The following PRC1 variants were observed in gnomAD, a reference collection of about 807,000 sequenced individuals.
PRC1 encodes anaphase spindle elongation 1 homolog.
In PRC1, 54 loss-of-function variants were observed where a neutral mutation model predicts 91.2. The observed-to-expected ratio is 0.59, with a 90% confidence interval of 0.48 to 0.74. PRC1 has a LOEUF of 0.74. Ranked by LOEUF, PRC1 falls within the 30% of genes least tolerant of loss-of-function variation. The pLI is 0.00. For missense variants in PRC1, 727 were observed against 746.2 expected, an observed-to-expected ratio of 0.97 and a Z score of 0.30; for synonymous variants, 275 against 263.6, an observed-to-expected ratio of 1.04 and a Z score of -0.42.
In PRC1 at chr15:90,966,506, A is replaced by T. The variant is rs577166282; in HGVS notation, c.*625T>A. On this transcript the variant is annotated 3_prime_UTR_variant, in exon 15 of 15. Coordinates refer to ENST00000394249, the MANE Select transcript of PRC1 (RefSeq NM_003981.4). ...CAAGCATGTGTGTTCATACATGCAT[A>T]CCCCCAACAAAGGGCAATGCACTGT... The T allele has an allele frequency of 3.5e-5, 16 of 452,094 alleles. No homozygotes were observed. Among genetic ancestry groups the T allele is most frequent in the East Asian group, 3.5e-4 (5 of 14,242 alleles). 28.0% of individuals were successfully genotyped at this position (452,094 alleles called of 1,614,324 possible).
At position 90,978,844 on chromosome 15, in the gene PRC1, G is replaced by C. The variant is rs1461329399; in HGVS notation, c.1107+314C>G. Among the ~76,000 whole-genome samples, 5 of 151,812 alleles carry C rather than the reference G, an allele frequency of 3.3e-5. No individual in the cohort carries two copies. In the South Asian group the frequency reaches 8.4e-4, roughly 25 times the overall value. ...GAAGATGAGGTCCACCCTTAGTGGT[G>C]GGGGAGCGCCCTGAGCCGGAGAAGC... On this transcript the variant is annotated intron_variant, in intron 8 of 14. Coordinates refer to ENST00000394249, the MANE Select transcript of PRC1 (RefSeq NM_003981.4).
At chr15:90,985,559 AT>A (rs1412769166) in intron 1 of PRC1, among the ~76,000 whole-genome samples, 1 of 108,584 alleles carries the variant, frequency 9.2e-6, no homozygotes, top group Non-Finnish European at 1.8e-5. Flanking sequence ...ATTTATTTTT[AT>A]TTTCTTTTTT....
At chr15:90,970,210 G>A (rs2037988136) in intron 12 of PRC1, among the ~76,000 whole-genome samples, 194 bp downstream of exon 12, 2 of 152,154 alleles carry the variant, frequency 1.3e-5, no homozygotes, top group Admixed American at 6.5e-5. Context: ...GGGGCTCAGA[G>A]TGACTGTTCT....
At chr15:90,972,273 A>G (rs531452748) in intron 11 of PRC1, among the ~76,000 whole-genome samples, 25 of 151,034 alleles carry the variant, frequency 1.7e-4, no homozygotes, top group African/African-American at 5.8e-4. Flanking sequence ...AGTCTCAGCT[A>G]CATGGGAGGC....
chr15:90,976,053 T>C (rs1596299161), intron 9 of PRC1, among the ~76,000 whole-genome samples: 1 of 152,220 alleles, frequency 6.6e-6, no homozygotes, highest in South Asian at 2.1e-4. Flanking sequence ...TAAGTTGCTG[T>C]TGTCGAAACT....
intron 1 of PRC1, among the ~76,000 whole-genome samples, 194 bp from the exon 2 acceptor site, chr15:90,985,019 G>C (rs1202744696): frequency 6.6e-6 from 1 of 152,046 alleles, no homozygotes; most frequent in Non-Finnish European, 1.5e-5. Context: ...AGCAATACAA[G>C]ATTTCATATC....
chr15:90,974,399 G>A lies in PRC1; in HGVS notation c.1351-153C>T, dbSNP rs930169117. On this transcript the variant is annotated intron_variant, in intron 10 of 14. Coordinates refer to ENST00000394249, the MANE Select transcript of PRC1 (RefSeq NM_003981.4). This position sits in a 1 kb window ranked among gnomAD's most constrained non-coding sequence, Gnocchi z 4.6. Reference sequence around the variant, plus strand: ...CCCCGTTCCACAAGCCCCGGTCCCCGGCTCCCCGTTCCACAAGCCCCGGTC... The same window carrying A: ...CCCCGTTCCACAAGCCCCGGTCCCCAGCTCCCCGTTCCACAAGCCCCGGTC... Among the ~76,000 whole-genome samples the A allele has an allele frequency of 1.3e-5, 2 of 151,918 alleles. No individual in the cohort carries two copies. Among genetic ancestry groups the A allele is most frequent in the Non-Finnish European group, 2.9e-5 (2 of 67,996 alleles).
At chr15:90,969,669 G>GTGCACACGCACACACAATACC in intron 12 of PRC1, 46 bp from the exon 13 acceptor site, 1 of 1,530,142 alleles carries the variant, frequency 6.5e-7, no homozygotes, top group Non-Finnish European at 8.8e-7. Flanking sequence ...TCTAATGAAC[G>GTGCACACGCACACACAATACC]TGCACACGCA....
In PRC1 at chr15:90,967,021, T is replaced by C. The variant is rs2037555067; in HGVS notation, c.*110A>G. 1.1e-6 allele frequency: 1 copy of C among 936,076 alleles called. No homozygotes were observed. The highest frequency in any genetic ancestry group is 1.4e-5 in the South Asian group (1 of 69,068). 58.0% of individuals were successfully genotyped at this position (936,076 alleles called of 1,614,324 possible). On this transcript the variant is annotated 3_prime_UTR_variant, in exon 15 of 15. Transcript: ENST00000394249. ...AAGTTAGGCCCATGGTCATGGAACCTGGCCAAGGTTTCAAGCACGCCTAAG... is the reference window on the plus strand; with the variant it reads ...AAGTTAGGCCCATGGTCATGGAACCCGGCCAAGGTTTCAAGCACGCCTAAG...
Position 90,980,900 on chromosome 15 carries a change from G to C in PRC1, c.806C>G (p.Ala269Gly). The change falls in exon 6 of 15, where the codon GCC becomes GGC. Residue 269 changes from alanine to glycine, a missense_variant. Ala to Gly is a moderately conservative substitution (Grantham distance 60). Coordinates refer to ENST00000394249, the MANE Select transcript of PRC1 (RefSeq NM_003981.4). ...GTTTCTTACCGCTTTCCGGACCTTG[G>C]CCTTTGACCCAGACATAATGGTGGC... ...AVATIMSGSK[A>G]KVRKALQLEV... The C allele has an allele frequency of 6.2e-7, 1 of 1,614,136 alleles. No homozygotes were observed. Among genetic ancestry groups the C allele is most frequent in the South Asian group, 1.1e-5 (1 of 91,078 alleles).
chr15:90,992,519 G>T (rs572014437), intron 1 of PRC1, among the ~76,000 whole-genome samples: 20 of 152,310 alleles, frequency 1.3e-4, no homozygotes, highest in African/African-American at 4.8e-4. Context: ...CTCCCAAAGT[G>T]CTGGGATTAC....
intron 1 of PRC1, among the ~76,000 whole-genome samples, chr15:90,991,153 CGTGT>C (rs747419499): frequency 3.3e-5 from 5 of 151,458 alleles, no homozygotes; most frequent in Admixed American, 6.6e-5. Flanking sequence ...CGCGGTGGCT[CGTGT>C]GCAATCCCAG....
In PRC1 at chr15:90,981,633, G is replaced by A; in HGVS notation, c.538C>T (p.Gln180Ter). Residue 180 changes from glutamine to a stop codon, truncating the protein, a stop_gained, in exon 5 of 15, where the codon CAG becomes TAG. Coordinates refer to ENST00000394249, the MANE Select transcript of PRC1 (RefSeq NM_003981.4). LOFTEE classifies it high-confidence loss of function. ...AATGCTTCCATACACAGTATGATCT[G>A]TCTCTTTATACTGACAAACTCCTCA... Reference protein sequence around the residue: ...RREEFVSIKRQIILCMEALDH... With the variant: ...RREEFVSIKR The A allele has an allele frequency of 6.2e-7, 1 of 1,614,060 alleles. No homozygotes were observed. Among genetic ancestry groups the A allele is most frequent in the Non-Finnish European group, 8.5e-7 (1 of 1,179,956 alleles).
chr15:90,976,129 C>A (rs1420428668), intron 9 of PRC1, among the ~76,000 whole-genome samples: 1 of 152,244 alleles, frequency 6.6e-6, no homozygotes. Flanking sequence ...CACTCTGTTG[C>A]CCAGGCTGGA....
chr15:90,992,708 G>GT (rs34611742), intron 1 of PRC1, among the ~76,000 whole-genome samples: 14 of 150,044 alleles, frequency 9.3e-5, no homozygotes, highest in South Asian at 8.4e-4. Flanking sequence ...GCAAGTCTGA[G>GT]TTTTTTTTTT....
rs980057286 is a variant in PRC1, at chr15:90,984,361, T to C, written c.145-221A>G. ...CTCCTGTCTCAGCCTCTTGAGTAGC[T>C]GGGATTACAGGTGCTCACCACCATG... On this transcript the variant is annotated intron_variant, in intron 2 of 14. Coordinates refer to ENST00000394249, the MANE Select transcript of PRC1 (RefSeq NM_003981.4). This position sits in a 1 kb window ranked among gnomAD's most constrained non-coding sequence, Gnocchi z 5.1. Among the ~76,000 whole-genome samples the C allele has an allele frequency of 6.6e-6, 1 of 152,188 alleles. No homozygotes were observed.
chr15:90,972,746 A>ATT (rs1484005983), intron 11 of PRC1: 1 of 153,134 alleles, frequency 6.5e-6, no homozygotes, highest in Non-Finnish European at 1.5e-5. Flanking sequence ...CTCAAAAAAA[A>ATT]AAAAAGTCCT....
rs1367155088 is a variant in PRC1 at position 90,980,369 on chromosome 15, C to G, written c.843G>C (p.Arg281=). The G allele has an allele frequency of 5.0e-6, 8 of 1,613,868 alleles. No homozygotes were observed. The highest frequency in any genetic ancestry group is 1.6e-4 in the Middle Eastern group (1 of 6,084). ...VRKALQLEVD[R]LEELKMQNMK... is the part of the protein sequence containing the mutation. Reference sequence around the variant, plus strand: ...TGTTTTGCATTTTCAGTTCTTCCAACCGATCCACTTCTAATTGCAGCTGAA... The same window carrying G: ...TGTTTTGCATTTTCAGTTCTTCCAAGCGATCCACTTCTAATTGCAGCTGAA... Residue 281 remains arginine, a synonymous_variant, in exon 7 of 15, where the codon CGG becomes CGC. Coordinates refer to ENST00000394249, the MANE Select transcript of PRC1 (RefSeq NM_003981.4).
chr15:90,977,225 A>ATGCAGTGG, intron 8 of PRC1: 1 of 153,196 alleles, frequency 6.5e-6, no homozygotes, highest in African/African-American at 2.4e-5. Flanking sequence ...TAGTCAAGTA[A>ATGCAGTGG]TGCAGTGGGA....
Sources: allele counts gnomAD v4.1 joint callset (sites outside exome capture counted in the v4.1 genomes callset), GRCh38; gene constraint gnomAD v4.1.1; non-coding constraint Gnocchi (gnomAD v3.1); transcripts MANE v1.5; gene names NCBI Gene and HGNC (gene_info 2026-07-23, HGNC 2026-07-21).